The following EPG5 variants were observed in gnomAD, a reference collection of about 807,000 sequenced individuals.
EPG5 encodes ectopic P-granules 5 autophagy tethering factor.
In EPG5, 159 loss-of-function variants were observed where a neutral mutation model predicts 302.7. That is an observed-to-expected ratio of 0.53 (90% confidence interval 0.46 to 0.60). EPG5 has a LOEUF of 0.60. EPG5 is among the 20% of genes least tolerant of loss of function. The pLI is 0.00. For missense variants in EPG5, 2,896 were observed against 3,092.4 expected (o/e 0.94, Z 1.51); for synonymous variants, 1,158 against 1,136.8 (o/e 1.02, Z -0.37).
the EPG5 span, among the ~76,000 whole-genome samples, chr18:45,822,837 C>G: frequency 6.6e-6 from 1 of 152,152 alleles, no homozygotes; most frequent in Non-Finnish European, 1.5e-5. Context: ...TATAATCAGG[C>G]TGCAAGTGGG....
intron 2 of EPG5, chr18:45,953,993 C>T (rs2050968520): frequency 1.1e-6 from 1 of 890,982 alleles, no homozygotes; most frequent in Admixed American, 6.2e-5. Context: ...ACATGATTTG[C>T]TTGGCCTACA....
chr18:45,937,470 G>A (rs78577944), intron 10 of EPG5, among the ~76,000 whole-genome samples: 17,832 of 151,864 alleles, frequency 0.12, 1,452 homozygotes, highest in East Asian at 0.29. Context: ...ACAGTGGCGC[G>A]ATCTCAGCTC....
At chr18:45,869,699 C>T (rs1398132159) in intron 36 of EPG5, among the ~76,000 whole-genome samples, 1 of 152,158 alleles carries the variant, frequency 6.6e-6, no homozygotes, top group Non-Finnish European at 1.5e-5. Flanking sequence ...CTCAGCTTTT[C>T]TTGCATTTCA....
intron 24 of EPG5, 106 bp from the exon 25 acceptor site, chr18:45,904,223 G>T: frequency 7.7e-7 from 1 of 1,293,400 alleles, no homozygotes; most frequent in Non-Finnish European, 1.1e-6. Context: ...AACACGAAGT[G>T]GTCTACTCCA....
intron 33 of EPG5, among the ~76,000 whole-genome samples, 178 bp downstream of exon 33, chr18:45,878,835 T>C (rs2049026894): frequency 6.6e-6 from 1 of 152,220 alleles, no homozygotes. Flanking sequence ...CACTATGTAA[T>C]GAATATATCC....
rs2049688459 is a variant in EPG5 at position 45,904,018 on chromosome 18, G to C, written c.4429C>G (p.Pro1477Ala). 2 of 1,613,000 alleles carry C rather than the reference G, an allele frequency of 1.2e-6. No homozygotes were observed. Among genetic ancestry groups the C allele is most frequent in the East Asian group, 4.5e-5 (2 of 44,792 alleles). ...TCCAGCTGCACGGACAAACTGCAGG[G>C]TGTGGAATGGGACTCAAGCTTGGCC... ...TQAKLESHST[P>A]CSLSVQLDFT... The change falls in exon 25 of 44, where the codon CCC (proline) becomes GCC (alanine). Residue 1477 changes from proline (P) to alanine (A), a missense_variant. Around this residue, in one of 5 missense-constraint regions of EPG5, gnomAD observed 790 missense variants for 798.0 expected, o/e 0.99. Transcript: ENST00000282041.
intron 25 of EPG5, among the ~76,000 whole-genome samples, chr18:45,903,121 T>G (rs2049659365): frequency 6.6e-6 from 1 of 152,240 alleles, no homozygotes; most frequent in South Asian, 2.1e-4. Flanking sequence ...ATATTTCTTC[T>G]TCTTAACAAA....
At chr18:45,902,104 G>C (rs2049633098) in intron 25 of EPG5, among the ~76,000 whole-genome samples, 1 of 152,170 alleles carries the variant, frequency 6.6e-6, no homozygotes, top group Non-Finnish European at 1.5e-5. Flanking sequence ...GTACTTAAGG[G>C]ACTACAGTGA....
At chr18:45,804,318 T>C in the EPG5 span, among the ~76,000 whole-genome samples, 1 of 152,078 alleles carries the variant, frequency 6.6e-6, no homozygotes, top group Non-Finnish European at 1.5e-5. Flanking sequence ...ATACCTACAA[T>C]TGAACTCCTA....
chr18:45,965,841 G>A (rs1037615320), intron 1 of EPG5, among the ~76,000 whole-genome samples: 1 of 151,158 alleles, frequency 6.6e-6, no homozygotes, highest in African/African-American at 2.4e-5. Flanking sequence ...ATCACCTGAG[G>A]TCAGGAGTTT....
intron 9 of EPG5, among the ~76,000 whole-genome samples, chr18:45,941,844 C>A (rs989219784): frequency 2.0e-5 from 3 of 152,170 alleles, no homozygotes; most frequent in Non-Finnish European, 4.4e-5. Context: ...TAGCTTTTAA[C>A]AAATTTATCT....
intron 11 of EPG5, 37 bp downstream of exon 11, chr18:45,934,772 G>A: frequency 6.4e-7 from 1 of 1,566,698 alleles, no homozygotes; most frequent in Non-Finnish European, 8.6e-7. Context: ...CAAAAAGATA[G>A]GGAGAGCTGG....
chr18:45,812,004 A>G, the EPG5 span, among the ~76,000 whole-genome samples: 1 of 152,202 alleles, frequency 6.6e-6, no homozygotes, highest in Admixed American at 6.5e-5. Context: ...ACATGATTGT[A>G]TATCTAGAAA....
chr18:45,838,733 T>C, the EPG5 span: 2 of 1,578,592 alleles, frequency 1.3e-6, no homozygotes. Context: ...CCGCGGATCG[T>C]CAACATCTCG....
rs753475634 is a variant in EPG5 at position 45,858,609 on chromosome 18, C to T, written c.7183G>A (p.Val2395Met). Reference protein sequence around the residue: ...SEQTLRNEMKVLLILSKWLEQ... With the variant: ...SEQTLRNEMKMLLILSKWLEQ... ...AGCCACTTGCTTAAGATGAGCAGCA[C>T]TTTCATTTCATTCCTTAAAGTCTGT... The change falls in exon 41 of 44, where the codon GTG becomes ATG. Residue 2395 changes from valine (V) to methionine (M), a missense_variant. By Grantham distance (21) the Val-to-Met change is conservative. Around this residue, in one of 5 missense-constraint regions of EPG5, gnomAD observed 620 missense variants for 704.2 expected, o/e 0.88. Transcript: ENST00000282041. 1 of 1,614,174 alleles carries T rather than the reference C, an allele frequency of 6.2e-7. No individual in the cohort carries two copies. The highest frequency in any genetic ancestry group is 8.5e-7 in the Non-Finnish European group (1 of 1,180,034).
the EPG5 span, among the ~76,000 whole-genome samples, chr18:45,809,906 T>A: frequency 6.6e-6 from 1 of 151,476 alleles, no homozygotes; most frequent in East Asian, 1.9e-4. Flanking sequence ...AACAAAAAAA[T>A]ACATAAGATA....
intron 36 of EPG5, among the ~76,000 whole-genome samples, chr18:45,868,994 G>C (rs2048812896): frequency 6.6e-6 from 1 of 151,136 alleles, no homozygotes; most frequent in African/African-American, 2.4e-5. Flanking sequence ...GGAGGAGCTT[G>C]CAGTGAGCCA....
At position 45,929,020 on chromosome 18, in the gene EPG5, G is replaced by T. The variant is rs2050340703; in HGVS notation, c.2413-11C>A. ...GGTGACATAAGATACCTAAATGGGG[G>T]GAAGGGGGAAGAAGATGGCACTTTT... On this transcript the variant is annotated splice_polypyrimidine_tract_variant and intron_variant, in intron 12 of 43. Coordinates refer to ENST00000282041, the MANE Select transcript of EPG5 (RefSeq NM_020964.3). 4 of 1,610,510 alleles carry T rather than the reference G, an allele frequency of 2.5e-6. No homozygotes were observed. In the South Asian group the frequency reaches 4.4e-5, roughly 18 times the overall value.
chr18:45,815,549 A>G, the EPG5 span, among the ~76,000 whole-genome samples: 1 of 152,210 alleles, frequency 6.6e-6, no homozygotes, highest in Non-Finnish European at 1.5e-5. Flanking sequence ...TGGTTGCAAA[A>G]AATAAAATAA....
Sources: gnomAD v4.1 joint callset for allele counts (sites outside exome capture counted in the v4.1 genomes callset) on GRCh38, gnomAD v4.1.1 for gene constraint, gnomAD v4.1.1 regional missense constraint, MANE v1.5 for transcripts, NCBI Gene and HGNC (gene_info 2026-07-23, HGNC 2026-07-21) for gene names.